Variants in MCTP1 observed in about 807,000 individuals in gnomAD.
MCTP1 encodes the protein multiple C2 and transmembrane domain containing 1.
MCTP1 carries 69 observed loss-of-function variants against 120.6 expected under a neutral mutation model. The observed-to-expected ratio is 0.57, with a 90% CI of 0.47 to 0.70. The LOEUF (loss-of-function observed/expected upper bound fraction) is 0.70, where lower values mean the gene tolerates loss of function less well. Among genes scored for constraint, MCTP1 ranks in the 30% least tolerant of loss-of-function variants. The pLI, the probability that MCTP1 is intolerant of heterozygous loss-of-function variation, is 0.00. For missense variants in MCTP1, 1,203 were observed against 1,248.8 expected, an observed-to-expected ratio of 0.96 and a Z score of 0.55; for synonymous variants, 529 against 493.1, an observed-to-expected ratio of 1.07 and a Z score of -0.96.
Position 94,779,117 on chromosome 5 carries a change from T to A in MCTP1, c.2603A>T (p.Asp868Val), listed in dbSNP as rs1003855459. ...GCTGGGAAAGATAATTACCTTGTCA[T>A]CTTTGTCATCTTCTTCTTCCTCGTC... ...LEDEEEEDDKDDKDSEKKGFI... is the reference protein window; with the variant it reads ...LEDEEEEDDKVDKDSEKKGFI... The change falls in exon 19 of 23, where the codon GAT (aspartate) becomes GTT (valine). Residue 868 changes from aspartate to valine, a missense_variant. Physicochemically the swap from Asp to Val is radical, Grantham distance 152. This residue lies in a region of MCTP1 where 740 missense variants were observed against 871.1 expected (regional missense o/e 0.85). Transcript: ENST00000515393. 6.2e-7 allele frequency: 1 copy of A among 1,613,474 alleles called. No homozygotes were observed. Among genetic ancestry groups the A allele is most frequent in the Non-Finnish European group, 8.5e-7 (1 of 1,179,482 alleles).
intron 18 of MCTP1, among the ~76,000 whole-genome samples, chr5:94,795,926 T>C (rs1341355580): frequency 6.6e-6 from 1 of 152,204 alleles, no homozygotes; most frequent in African/African-American, 2.4e-5. Context: ...CTCATTAAAC[T>C]AGAATAGGCA....
intron 1 of MCTP1, among the ~76,000 whole-genome samples, chr5:95,235,616 T>A (rs1755458737): frequency 6.6e-6 from 1 of 152,270 alleles, no homozygotes; most frequent in East Asian, 1.9e-4. Context: ...AGTTAGAAAT[T>A]TTTTTTAAAA....
intron 17 of MCTP1, among the ~76,000 whole-genome samples, chr5:94,831,377 A>T (rs939906289): frequency 6.6e-6 from 1 of 152,158 alleles, no homozygotes; most frequent in Non-Finnish European, 1.5e-5. Context: ...CCTTCAAACC[A>T]CTGCTATATG....
chr5:95,024,648 TAC>T lies in MCTP1; in HGVS notation c.721-7166_721-7165del, dbSNP rs111890273. ...GAGAAAGAAATGAAAGGCATTCAAA[TAC>T]ACACACACACACACACACACACACA... is the stretch of plus-strand genomic sequence containing the variant. On this transcript the variant is annotated intron_variant, in intron 1 of 22. Transcript: ENST00000515393. Among the ~76,000 whole-genome samples, 1,411 of 146,308 alleles carry T rather than the reference TAC, an allele frequency of 9.6e-3. 10 individuals carry two copies. The highest frequency in any genetic ancestry group is 0.017 in the South Asian group (78 of 4,542).
chr5:94,949,826 A>G lies in MCTP1; in HGVS notation c.981+3393T>C, dbSNP rs538355461. Among the ~76,000 whole-genome samples, 12 of 152,318 alleles carry G rather than the reference A, an allele frequency of 7.9e-5. No homozygotes were observed. In the East Asian group the frequency reaches 1.9e-3, roughly 24 times the overall value. ...TTAGTCCCTAAGAAATCTTTTGGGC[A>G]AGATTAATAATCTGTTGTGGAGGAT... On this transcript the variant is annotated intron_variant, in intron 3 of 22. Transcript: ENST00000515393.
rs959031684 is a variant in MCTP1 at position 95,003,076 on chromosome 5, C to A, written c.838+14291G>T. On this transcript the variant is annotated intron_variant, in intron 2 of 22. Coordinates refer to ENST00000515393, the MANE Select transcript of MCTP1 (RefSeq NM_024717.7). Reference sequence around the variant, plus strand: ...TCCCCTGCTGGCATTCATTTTCTCGCCTGCCATCCTGTGAAGAGGTACCTT... The same window carrying A: ...TCCCCTGCTGGCATTCATTTTCTCGACTGCCATCCTGTGAAGAGGTACCTT... Among the ~76,000 whole-genome samples the A allele has an allele frequency of 7.9e-5, 12 of 152,112 alleles. No homozygotes were observed. In the East Asian group the frequency reaches 2.3e-3, roughly 29 times the overall value.
At chr5:94,926,435 T>C (rs1023816175) in intron 6 of MCTP1, among the ~76,000 whole-genome samples, 1 of 152,078 alleles carries the variant, frequency 6.6e-6, no homozygotes, top group African/African-American at 2.4e-5. Context: ...CCTGGTCAGA[T>C]TGCAATCACT....
At chr5:95,072,027 G>C (rs950339600) in intron 1 of MCTP1, among the ~76,000 whole-genome samples, 11 of 151,046 alleles carry the variant, frequency 7.3e-5, no homozygotes, top group African/African-American at 2.4e-4. Context: ...GTGATGTACA[G>C]GTTTCTTAAC....
chr5:95,022,917 T>C (rs867764250), intron 1 of MCTP1, among the ~76,000 whole-genome samples: 6 of 152,124 alleles, frequency 3.9e-5, no homozygotes, highest in African/African-American at 1.4e-4. Context: ...GGGAGAAGAC[T>C]CTCAGGAGGC....
chr5:95,254,136 T>C (rs6877366), intron 1 of MCTP1, among the ~76,000 whole-genome samples: 3,006 of 152,242 alleles, frequency 0.02, 94 homozygotes, highest in African/African-American at 0.068. Flanking sequence ...CTCAAACTTA[T>C]ACTTAAGATC....
At position 95,245,255 on chromosome 5, in the gene MCTP1, A is replaced by G. The variant is rs193074965; in HGVS notation, c.720+38601T>C. ...AGAAAAGCTGAACATTCCAAAAAAC[A>G]GAGCACCTCTTCTCCTCCAAAGGAT... On this transcript the variant is annotated intron_variant, in intron 1 of 22. Coordinates refer to ENST00000515393, the MANE Select transcript of MCTP1 (RefSeq NM_024717.7). Among the ~76,000 whole-genome samples the G allele has an allele frequency of 2.2e-3, 329 of 152,376 alleles. 4 individuals are homozygous for G. The highest frequency in any genetic ancestry group is 7.6e-3 in the African/African-American group (315 of 41,592).
At chr5:94,830,704 A>T (rs1014000914) in intron 17 of MCTP1, among the ~76,000 whole-genome samples, 1 of 152,208 alleles carries the variant, frequency 6.6e-6, no homozygotes, top group Non-Finnish European at 1.5e-5. Context: ...GAGAGTGAAC[A>T]TTCCTCATGT....
chr5:94,878,963 T>C (rs971290236), intron 12 of MCTP1, among the ~76,000 whole-genome samples: 3 of 151,896 alleles, frequency 2.0e-5, no homozygotes, highest in Non-Finnish European at 4.4e-5. Flanking sequence ...AGCAAAGAAC[T>C]GAAGGGGGTA....
At chr5:95,151,023 C>G (rs1760848291) in intron 1 of MCTP1, among the ~76,000 whole-genome samples, 1 of 151,396 alleles carries the variant, frequency 6.6e-6, no homozygotes, top group Admixed American at 6.6e-5. Flanking sequence ...GGCTGGAGTG[C>G]AGTGGCACGA....
rs116435394 is a variant in MCTP1 at position 95,029,516 on chromosome 5, C to T, written c.721-12032G>A. On this transcript the variant is annotated intron_variant, in intron 1 of 22. Transcript: ENST00000515393. ...GGAAAGTGAGGGAAGAGAGCCAGGA[C>T]CTCTTGGAGAATCCATGGGAAGAAG... 7.5e-3 allele frequency among the ~76,000 whole-genome samples: 1,140 copies of T among 152,260 alleles called. 22 individuals carry two copies. The highest frequency in any genetic ancestry group is 0.027 in the African/African-American group (1,102 of 41,540).
At chr5:95,125,024 A>G (rs1343232872) in intron 1 of MCTP1, among the ~76,000 whole-genome samples, 1 of 152,244 alleles carries the variant, frequency 6.6e-6, no homozygotes, top group Non-Finnish European at 1.5e-5. Flanking sequence ...AATAAAGTGT[A>G]ATGGACTTTG....
At chr5:95,267,185 T>C (rs978631782) in intron 1 of MCTP1, among the ~76,000 whole-genome samples, 10 of 152,364 alleles carry the variant, frequency 6.6e-5, no homozygotes, top group Admixed American at 1.3e-4. Flanking sequence ...AATTAACCCA[T>C]GATTATGTTA....
intron 5 of MCTP1, among the ~76,000 whole-genome samples, chr5:94,936,361 T>C (rs1816199909): frequency 6.6e-6 from 1 of 152,016 alleles, no homozygotes; most frequent in Non-Finnish European, 1.5e-5. Flanking sequence ...AGGTGAACTA[T>C]AGGCATATTT....
intron 1 of MCTP1, among the ~76,000 whole-genome samples, chr5:95,079,665 G>A (rs1382532597): frequency 6.6e-6 from 1 of 151,902 alleles, no homozygotes; most frequent in African/African-American, 2.4e-5. Flanking sequence ...CTTATCTCTT[G>A]AAACTATACA....
Sources: allele counts gnomAD v4.1 joint callset (sites outside exome capture counted in the v4.1 genomes callset), GRCh38; gene constraint gnomAD v4.1.1; regional missense constraint gnomAD v4.1.1; transcripts MANE v1.5; gene names NCBI Gene and HGNC (gene_info 2026-07-23, HGNC 2026-07-21).